CHRM3: variants seen among roughly 807,000 people sequenced by gnomAD.
The protein encoded by CHRM3 is cholinergic receptor muscarinic 3.
Under a neutral mutation model 41.8 loss-of-function variants are expected in CHRM3, and 11 were observed. The ratio of observed to expected loss-of-function variants is 0.26; its 90% CI spans 0.17 to 0.44. The LOEUF (loss-of-function observed/expected upper bound fraction) is 0.44. Among genes scored for constraint, CHRM3 ranks in the 20% least tolerant of loss-of-function variants. The pLI, the probability that CHRM3 is intolerant of heterozygous loss-of-function variation, is 1.00. For missense variants in CHRM3, 571 were observed against 745.4 expected, an observed-to-expected ratio of 0.77 and a Z score of 2.72; for synonymous variants, 297 against 301.4, an observed-to-expected ratio of 0.99 and a Z score of 0.15.
At chr1:239,663,058 CT>C (rs1281266213) in intron 4 of CHRM3, among the ~76,000 whole-genome samples, 8 of 151,172 alleles carry the variant, frequency 5.3e-5, no homozygotes, top group Non-Finnish European at 8.8e-5. Flanking sequence ...TTTTAAATCT[CT>C]CACATGTATT....
chr1:239,777,782 T>G (rs979344684), intron 5 of CHRM3, among the ~76,000 whole-genome samples: 2 of 152,208 alleles, frequency 1.3e-5, no homozygotes, highest in Non-Finnish European at 2.9e-5. Context: ...TTAAAACCTA[T>G]TCTAGGTTCT....
chr1:239,710,855 C>A (rs2148214204), intron 5 of CHRM3, among the ~76,000 whole-genome samples: 1 of 152,166 alleles, frequency 6.6e-6, no homozygotes, highest in Admixed American at 6.5e-5. Flanking sequence ...ACACCGCAAA[C>A]AACCTGCCGT....
chr1:239,527,131 A>G (rs1266259007), intron 2 of CHRM3, among the ~76,000 whole-genome samples: 1 of 152,126 alleles, frequency 6.6e-6, no homozygotes, highest in Non-Finnish European at 1.5e-5. Flanking sequence ...AAACAAAACA[A>G]AAACAACAAA....
rs147784522 is a variant in CHRM3, at chr1:239,908,348, C to T, written c.897C>T (p.Ser299=). ...SCSSYELQQQ[S]MKRSNRRKYG... is the part of the protein sequence containing the mutation. The stretch of plus-strand genomic sequence containing the variant: ...GCAGTTACGAACTTCAACAGCAAAG[C>T]ATGAAACGCTCCAACAGGAGGAAGT... Residue 299 remains serine, a synonymous_variant, in exon 7 of 7, where the codon AGC becomes AGT. Coordinates refer to ENST00000676153, the MANE Select transcript of CHRM3 (RefSeq NM_001375978.1). This position sits in a 1 kb window ranked among gnomAD's most constrained non-coding sequence, Gnocchi z 7.2. 278 of 1,614,114 alleles carry T rather than the reference C, an allele frequency of 1.7e-4. 2 individuals are homozygous for T. The highest frequency in any genetic ancestry group is 1.6e-3 in the South Asian group (143 of 91,086).
At chr1:239,637,365 A>G (rs948392730) in intron 4 of CHRM3, among the ~76,000 whole-genome samples, 2 of 152,100 alleles carry the variant, frequency 1.3e-5, no homozygotes, top group African/African-American at 2.4e-5. Context: ...AAAAATTTTA[A>G]TATTGATGAA....
intron 1 of CHRM3, among the ~76,000 whole-genome samples, chr1:239,453,336 A>T (rs1664696541): frequency 6.6e-6 from 1 of 152,242 alleles, no homozygotes; most frequent in Admixed American, 6.5e-5. Context: ...CTAATTCCAA[A>T]TAACAAATGG....
intron 6 of CHRM3, among the ~76,000 whole-genome samples, chr1:239,877,801 A>T (rs1410652190): frequency 6.6e-6 from 1 of 151,796 alleles, no homozygotes; most frequent in Non-Finnish European, 1.5e-5. Context: ...AGTTTTGTGG[A>T]CGACAATTTT....
intron 4 of CHRM3, among the ~76,000 whole-genome samples, chr1:239,646,712 T>A (rs148754601): frequency 4.6e-5 from 7 of 151,966 alleles, no homozygotes; most frequent in Non-Finnish European, 8.8e-5. Flanking sequence ...TGTGGGTGTG[T>A]GGGTTATGAG....
At chr1:239,665,611 G>T (rs1673711588) in intron 4 of CHRM3, among the ~76,000 whole-genome samples, 1 of 152,026 alleles carries the variant, frequency 6.6e-6, no homozygotes, top group Non-Finnish European at 1.5e-5. Flanking sequence ...ATGGTGGTTT[G>T]CTGCACCCAT....
intron 5 of CHRM3, among the ~76,000 whole-genome samples, chr1:239,799,496 A>G (rs1578179): frequency 0.57 from 87,154 of 151,876 alleles, 26,835 homozygotes; most frequent in African/African-American, 0.81. Flanking sequence ...GAATCCCTCC[A>G]CCTACCCTCC....
At chr1:239,741,828 G>A (rs1165073949) in intron 5 of CHRM3, among the ~76,000 whole-genome samples, 1 of 152,200 alleles carries the variant, frequency 6.6e-6, no homozygotes, top group Non-Finnish European at 1.5e-5. Flanking sequence ...GAGAGCTGCG[G>A]TGGATTAAAA....
chr1:239,479,190 CCA>C (rs56202845), intron 1 of CHRM3, among the ~76,000 whole-genome samples: 3,286 of 139,906 alleles, frequency 0.023, 36 homozygotes, highest in Middle Eastern at 0.033. Context: ...TTTCAAAAAA[CCA>C]CACACACACA....
At chr1:239,656,144 C>T (rs540740280) in intron 4 of CHRM3, among the ~76,000 whole-genome samples, 2 of 151,346 alleles carry the variant, frequency 1.3e-5, no homozygotes, top group Admixed American at 1.3e-4. Flanking sequence ...CACTGGAGAT[C>T]CCCAAATGGG....
chr1:239,744,944 G>C (rs1310627720), intron 5 of CHRM3, among the ~76,000 whole-genome samples: 1 of 152,132 alleles, frequency 6.6e-6, no homozygotes, highest in African/African-American at 2.4e-5. Flanking sequence ...GAGGAAGACA[G>C]TGCAGGCGAA....
At chr1:239,797,837 C>T (rs544028518) in intron 5 of CHRM3, among the ~76,000 whole-genome samples, 5 of 152,152 alleles carry the variant, frequency 3.3e-5, no homozygotes, top group African/African-American at 9.6e-5. Flanking sequence ...CACCTGAGCC[C>T]GGGAGTTAGA....
At chr1:239,803,851 G>C (rs1189285962) in intron 5 of CHRM3, among the ~76,000 whole-genome samples, 1 of 152,182 alleles carries the variant, frequency 6.6e-6, no homozygotes, top group Admixed American at 6.5e-5. Context: ...CACCCTCTCA[G>C]AACCACCTAT....
chr1:239,576,262 A>T (rs759680574), intron 3 of CHRM3, among the ~76,000 whole-genome samples: 20 of 129,156 alleles, frequency 1.5e-4, no homozygotes, highest in Non-Finnish European at 3.0e-4. Flanking sequence ...TAAACCCTCT[A>T]CTCCCTACCC....
At chr1:239,777,891 A>G (rs1668219619) in intron 5 of CHRM3, among the ~76,000 whole-genome samples, 1 of 152,072 alleles carries the variant, frequency 6.6e-6, no homozygotes, top group African/African-American at 2.4e-5. Context: ...TCTTTTCTTC[A>G]GGGGAATATA....
chr1:239,665,176 A>C lies in CHRM3; in HGVS notation c.-249-13010A>C, dbSNP rs1403646443. ...TTTGTTTTTCTCTGAAAAAAAAAAA[A>C]AAAAAAAGACTTTTTCTAGACCTTA... On this transcript the variant is annotated intron_variant, in intron 4 of 6. Transcript: ENST00000676153. Among the ~76,000 whole-genome samples, 44 of 152,108 alleles carry C rather than the reference A, an allele frequency of 2.9e-4. No homozygotes were observed. The South Asian group carries it at 8.7e-3, about 30-fold the overall frequency.
Sources: allele counts gnomAD v4.1 joint callset (sites outside exome capture counted in the v4.1 genomes callset), GRCh38; gene constraint gnomAD v4.1.1; non-coding constraint Gnocchi (gnomAD v3.1); transcripts MANE v1.5; gene names NCBI Gene and HGNC (gene_info 2026-07-23, HGNC 2026-07-21).